SREK1IP1: variants seen among roughly 807,000 people sequenced by gnomAD.
SREK1IP1 encodes the protein SREK1 interacting protein 1.
A neutral mutation model predicts 22.8 loss-of-function variants in SREK1IP1; 12 were observed. That is an observed-to-expected ratio of 0.53 (90% CI 0.34 to 0.85). The LOEUF (loss-of-function observed/expected upper bound fraction) is 0.85, where lower values mean the gene tolerates loss of function less well. SREK1IP1 is among the 40% of genes least tolerant of loss of function. SREK1IP1 has a pLI of 0.02. For synonymous variants in SREK1IP1, 53 were observed against 52.7 expected, an observed-to-expected ratio of 1.01 and a Z score of -0.02; for missense variants, 147 against 171.8, an observed-to-expected ratio of 0.86 and a Z score of 0.81.
intron 2 of SREK1IP1, among the ~76,000 whole-genome samples, chr5:64,749,967 C>T (rs1246469987): frequency 6.6e-6 from 1 of 152,132 alleles, no homozygotes; most frequent in Non-Finnish European, 1.5e-5. Flanking sequence ...CTCCAGGCTT[C>T]TCAATATTGT....
intron 4 of SREK1IP1, among the ~76,000 whole-genome samples, chr5:64,725,864 T>TC (rs1742255059): frequency 2.0e-5 from 3 of 147,072 alleles, no homozygotes; most frequent in African/African-American, 7.5e-5. Context: ...TTTGTTTCTT[T>TC]TTTTTTTTTT....
chr5:64,725,976 C>T (rs1742258171), intron 4 of SREK1IP1, among the ~76,000 whole-genome samples: 1 of 151,344 alleles, frequency 6.6e-6, no homozygotes, highest in Admixed American at 6.6e-5. Flanking sequence ...AGCAATTCTC[C>T]TGCCTCAGCC....
Position 64,721,812 on chromosome 5 carries a change from TATA to T in SREK1IP1, c.*2569_*2571del, listed in dbSNP as rs1365268155. 1.2e-4 allele frequency: 18 copies of T among 152,188 alleles called. No homozygotes were observed. The highest frequency in any genetic ancestry group is 2.1e-4 in the South Asian group (1 of 4,834). 9.4% of individuals were successfully genotyped at this position (152,188 alleles called of 1,614,324 possible). On this transcript the variant is annotated 3_prime_UTR_variant, in exon 5 of 5. Transcript: ENST00000513458. Reference sequence around the variant, plus strand: ...TTCAACCTTTACTATTATAGAATGTTATAATAATTTCTAAAGTGAATATTGCTT... The same window carrying T: ...TTCAACCTTTACTATTATAGAATGTTATAATTTCTAAAGTGAATATTGCTT...
intron 4 of SREK1IP1, among the ~76,000 whole-genome samples, chr5:64,725,625 T>C (rs776951284): frequency 5.9e-5 from 9 of 152,194 alleles, no homozygotes; most frequent in Admixed American, 1.3e-4. Flanking sequence ...TAATGTTGTG[T>C]TCCTTTTTCC....
At chr5:64,760,633 T>C (rs1742935860) in intron 1 of SREK1IP1, among the ~76,000 whole-genome samples, 1 of 152,212 alleles carries the variant, frequency 6.6e-6, no homozygotes, top group Admixed American at 6.5e-5. Flanking sequence ...AGTCCAAGCC[T>C]CTGATAAACT....
chr5:64,749,074 A>C (rs1244246567), intron 2 of SREK1IP1, among the ~76,000 whole-genome samples: 1 of 138,040 alleles, frequency 7.2e-6, no homozygotes, highest in African/African-American at 3.0e-5. Context: ...TAATAATAAT[A>C]ATAATAATAA....
chr5:64,745,819 G>A (rs1281772311), intron 2 of SREK1IP1, among the ~76,000 whole-genome samples: 1 of 149,124 alleles, frequency 6.7e-6, no homozygotes, highest in Non-Finnish European at 1.5e-5. Context: ...GTTTCTTACT[G>A]ATTTTTTTTT....
chr5:64,732,165 A>T (rs1168678302), intron 3 of SREK1IP1, among the ~76,000 whole-genome samples: 2 of 152,186 alleles, frequency 1.3e-5, no homozygotes, highest in Admixed American at 6.5e-5. Context: ...TCTCTCCATT[A>T]TGAGAGAAGT....
chr5:64,718,877 T>C lies in SREK1IP1; in HGVS notation c.*5507A>G, dbSNP rs1742101361. 1.3e-5 allele frequency: 2 copies of C among 152,198 alleles called. No homozygotes were observed. Among genetic ancestry groups the C allele is most frequent in the African/African-American group, 4.8e-5 (2 of 41,460 alleles). 9.4% of individuals were successfully genotyped at this position (152,198 alleles called of 1,614,324 possible). A position where few individuals can be genotyped will look rare whatever the true frequency, so the allele number is the denominator to read the frequency against. On this transcript the variant is annotated 3_prime_UTR_variant, in exon 5 of 5. Coordinates refer to ENST00000513458, the MANE Select transcript of SREK1IP1 (RefSeq NM_173829.4). ...TAGTTTTTGTAGTCAGAAACTAGCA[T>C]TTCAGACAAGATCTGGCACATTTAG...
In SREK1IP1 at chr5:64,721,015, TG is replaced by T. The variant is rs1742153594; in HGVS notation, c.*3368del. ...CACATAACACAGCTTGTTCTACCTC[TG>T]GTGTTTGTTCACAGTACCCACTCTG... On this transcript the variant is annotated 3_prime_UTR_variant, in exon 5 of 5. Transcript: ENST00000513458. The T allele has an allele frequency of 6.6e-6, 1 of 152,244 alleles. No individual in the cohort carries two copies. The highest frequency in any genetic ancestry group is 2.1e-4 in the South Asian group (1 of 4,838). The allele number at this position is 152,244 out of a possible 1,614,324, so 9.4% of individuals were successfully genotyped here. A position where few individuals can be genotyped will look rare whatever the true frequency, so the allele number is the denominator to read the frequency against.
At chr5:64,750,936 CCA>C (rs1214782008) in intron 2 of SREK1IP1, among the ~76,000 whole-genome samples, 2 of 152,084 alleles carry the variant, frequency 1.3e-5, no homozygotes, top group Admixed American at 1.3e-4. Flanking sequence ...TCCATTTATC[CCA>C]GTTTCTTCCA....
Position 64,721,269 on chromosome 5 carries a change from T to C in SREK1IP1, c.*3115A>G, listed in dbSNP as rs1050669770. On this transcript the variant is annotated 3_prime_UTR_variant, in exon 5 of 5. Coordinates refer to ENST00000513458, the MANE Select transcript of SREK1IP1 (RefSeq NM_173829.4). ...CTTCAGGGAGGCAAATGTGTCTTAC[T>C]TATCTCTGTATCCCCAGTACTTAGC... is the stretch of plus-strand genomic sequence containing the variant. The C allele has an allele frequency of 6.6e-6, 1 of 152,218 alleles. No individual in the cohort carries two copies. The highest frequency in any genetic ancestry group is 1.5e-5 in the Non-Finnish European group (1 of 68,040). 9.4% of individuals were successfully genotyped at this position (152,218 alleles called of 1,614,324 possible).
At chr5:64,729,421 C>T (rs1241360219) in intron 3 of SREK1IP1, among the ~76,000 whole-genome samples, 1 of 151,902 alleles carries the variant, frequency 6.6e-6, no homozygotes, top group East Asian at 1.9e-4. Flanking sequence ...GAGGTTGTTG[C>T]GGATAGAAGG....
chr5:64,726,221 T>A (rs535294206), intron 4 of SREK1IP1, among the ~76,000 whole-genome samples: 2 of 152,174 alleles, frequency 1.3e-5, no homozygotes, highest in East Asian at 3.9e-4. Context: ...AGCAACACTT[T>A]CAGGGGGCAC....
At position 64,721,785 on chromosome 5, in the gene SREK1IP1, A is replaced by T. The variant is rs569636837; in HGVS notation, c.*2599T>A. On this transcript the variant is annotated 3_prime_UTR_variant, in exon 5 of 5. Transcript: ENST00000513458. Reference sequence around the variant, plus strand: ...GTTGAACGTGTTTATTATATTAATAAATTCAACCTTTACTATTATAGAATG... The same window carrying T: ...GTTGAACGTGTTTATTATATTAATATATTCAACCTTTACTATTATAGAATG... The T allele has an allele frequency of 6.6e-6, 1 of 152,330 alleles. No homozygotes were observed. The highest frequency in any genetic ancestry group is 2.4e-5 in the African/African-American group (1 of 41,586). The allele number at this position is 152,330 out of a possible 1,614,324, so 9.4% of individuals were successfully genotyped here. A position where few individuals can be genotyped will look rare whatever the true frequency, so the allele number is the denominator to read the frequency against.
In SREK1IP1 at chr5:64,738,622, C is replaced by G. The variant is rs574654863; in HGVS notation, c.205+2435G>C. ...AGTAATTAAAATAGTATTGTACTGA[C>G]ATAAAGACAGACACATAGACCAATG... is the stretch of plus-strand genomic sequence containing the variant. On this transcript the variant is annotated intron_variant, in intron 3 of 4. Transcript: ENST00000513458. 2.0e-5 allele frequency among the ~76,000 whole-genome samples: 3 copies of G among 152,170 alleles called. No homozygotes were observed. The East Asian group carries it at 5.8e-4, about 29-fold the overall frequency.
At chr5:64,763,438 G>A (rs1742985397) in intron 1 of SREK1IP1, among the ~76,000 whole-genome samples, 1 of 151,986 alleles carries the variant, frequency 6.6e-6, no homozygotes, top group African/African-American at 2.4e-5. Context: ...TTGGGAGGCT[G>A]AGGCAGAAGA....
chr5:64,740,538 G>A (rs1259793624), intron 3 of SREK1IP1, among the ~76,000 whole-genome samples: 1 of 152,160 alleles, frequency 6.6e-6, no homozygotes, highest in African/African-American at 2.4e-5. Context: ...TACCTGGGGA[G>A]CTGTATTGGC....
At position 64,722,195 on chromosome 5, in the gene SREK1IP1, C is replaced by T. The variant is rs1276577398; in HGVS notation, c.*2189G>A. ...ATTATGGGAAATTTACTTAGAAATG[C>T]CAACATCATTTCTGGGGGGAAAATT... On this transcript the variant is annotated 3_prime_UTR_variant, in exon 5 of 5. Transcript: ENST00000513458. 6.6e-6 allele frequency: 1 copy of T among 152,026 alleles called. No homozygotes were observed. The highest frequency in any genetic ancestry group is 1.5e-5 in the Non-Finnish European group (1 of 68,002). The allele number at this position is 152,026 out of a possible 1,614,324, so 9.4% of individuals were successfully genotyped here.
Sources: gnomAD v4.1 joint callset for allele counts (sites outside exome capture counted in the v4.1 genomes callset) on GRCh38, gnomAD v4.1.1 for gene constraint, MANE v1.5 for transcripts, NCBI Gene and HGNC (gene_info 2026-07-23, HGNC 2026-07-21) for gene names.